Variants in ARHGEF37 observed in about 807,000 individuals in gnomAD.
ARHGEF37 encodes Rho guanine nucleotide exchange factor 37, also known as Rho guanine nucleotide exchange factor (GEF) 37.
Under a neutral mutation model 71.1 loss-of-function variants are expected in ARHGEF37, and 55 were observed. The ratio of observed to expected loss-of-function variants is 0.77; its 90% CI spans 0.62 to 0.97. The LOEUF is 0.97. Among genes scored for constraint, ARHGEF37 ranks in the 50% least tolerant of loss-of-function variants. The pLI is 0.00. For missense variants in ARHGEF37, 765 were observed against 836.8 expected, an observed-to-expected ratio of 0.91 and a Z score of 1.06; for synonymous variants, 327 against 350.6, an observed-to-expected ratio of 0.93 and a Z score of 0.75.
chr5:149,608,213 A>G (rs539886864), intron 3 of ARHGEF37, among the ~76,000 whole-genome samples: 1 of 152,308 alleles, frequency 6.6e-6, no homozygotes, highest in Admixed American at 6.5e-5. Context: ...ATCTGGATGT[A>G]TACGTGCAGG....
intron 1 of ARHGEF37, among the ~76,000 whole-genome samples, chr5:149,592,855 C>A (rs939875167): frequency 6.6e-6 from 1 of 152,154 alleles, no homozygotes; most frequent in Admixed American, 6.6e-5. Context: ...TCACAACCTC[C>A]GTCTCCTGGG....
At chr5:149,596,102 C>T (rs2400885) in intron 1 of ARHGEF37, among the ~76,000 whole-genome samples, 44,118 of 151,946 alleles carry the variant, frequency 0.29, 6,805 homozygotes, top group Admixed American at 0.43. Flanking sequence ...TTACCCACCC[C>T]TCTACTTTGG....
At chr5:149,558,976 G>A (rs949777287) in intron 1 of ARHGEF37, among the ~76,000 whole-genome samples, 3 of 152,018 alleles carry the variant, frequency 2.0e-5, no homozygotes, top group African/African-American at 7.2e-5. Context: ...GCAACAGAGC[G>A]AGACCTTGTC....
chr5:149,570,572 G>A (rs1427242417), intron 1 of ARHGEF37, among the ~76,000 whole-genome samples: 7 of 123,448 alleles, frequency 5.7e-5, no homozygotes, highest in Admixed American at 3.6e-4. Flanking sequence ...GCGAAACTCC[G>A]CCTCAAAAAA....
At chr5:149,607,899 TGG>T (rs1166845895) in intron 3 of ARHGEF37, among the ~76,000 whole-genome samples, 1 of 151,700 alleles carries the variant, frequency 6.6e-6, no homozygotes, top group African/African-American at 2.4e-5. Flanking sequence ...CCCGAGTAGC[TGG>T]GACTACAGGT....
chr5:149,563,733 T>G (rs543841322), intron 1 of ARHGEF37, among the ~76,000 whole-genome samples: 1 of 152,302 alleles, frequency 6.6e-6, no homozygotes, highest in East Asian at 1.9e-4. Flanking sequence ...GTGTAACAAC[T>G]ATGACACGAC....
rs747608319 is a variant in ARHGEF37 at position 149,621,859 on chromosome 5, C to G, written c.1132C>G (p.Leu378Val). The G allele has an allele frequency of 1.1e-5, 17 of 1,614,238 alleles. 1 individual carries two copies. The South Asian group carries it at 1.8e-4, about 17-fold the overall frequency. The change falls in exon 9 of 13, where the codon CTG becomes GTG. Residue 378 changes from leucine to valine, a missense_variant. Physicochemically the swap from Leu to Val is conservative, Grantham distance 32. Coordinates refer to ENST00000333677, the MANE Select transcript of ARHGEF37 (RefSeq NM_001001669.3). ...GGACTTTGAGCGGGTGGAAGAGAAG[C>G]TGCTGGAGGTGGGCAGTGTGACCTA... ...LLDFERVEEK[L>V]LEVGSVTYQE... is the part of the protein sequence containing the mutation.
At chr5:149,552,355 T>G (rs1235543590) in intron 1 of ARHGEF37, among the ~76,000 whole-genome samples, 2 of 152,160 alleles carry the variant, frequency 1.3e-5, no homozygotes, top group Non-Finnish European at 2.9e-5. Flanking sequence ...ATTTTTTTCT[T>G]TTTTACAAAA....
intron 1 of ARHGEF37, among the ~76,000 whole-genome samples, chr5:149,576,142 T>C (rs181302719): frequency 4.7e-4 from 72 of 152,302 alleles, no homozygotes; most frequent in Non-Finnish European, 7.6e-4. Flanking sequence ...CTGCTCTGGA[T>C]GCCTAGGCAT....
At chr5:149,553,125 T>C (rs1282456025) in intron 1 of ARHGEF37, among the ~76,000 whole-genome samples, 1 of 151,694 alleles carries the variant, frequency 6.6e-6, no homozygotes, top group East Asian at 2.0e-4. Context: ...CAGCCGGGCA[T>C]GGTGGGCTCA....
rs1752607142 is a variant in ARHGEF37, at chr5:149,623,924, G to T, written c.1336-88G>T. The T allele has an allele frequency of 6.1e-6, 9 of 1,485,666 alleles. No homozygotes were observed. In the South Asian group the frequency reaches 1.2e-4, roughly 20 times the overall value. 92.0% of individuals were successfully genotyped at this position (1,485,666 alleles called of 1,614,324 possible). ...ACAGAGTATCACTCAGAACTCCTTG[G>T]GTTGAAAATAATATAAACCCAAAGC... is the stretch of plus-strand genomic sequence containing the variant. On this transcript the variant is annotated intron_variant, in intron 9 of 12. Transcript: ENST00000333677.
chr5:149,610,498 T>G (rs1467977018), intron 4 of ARHGEF37, among the ~76,000 whole-genome samples: 1 of 152,168 alleles, frequency 6.6e-6, no homozygotes, highest in East Asian at 1.9e-4. Context: ...GTAAAAAATA[T>G]CTGGCTGGCT....
At chr5:149,575,863 G>A (rs1763021914) in intron 1 of ARHGEF37, among the ~76,000 whole-genome samples, 1 of 151,790 alleles carries the variant, frequency 6.6e-6, no homozygotes, top group South Asian at 2.1e-4. Context: ...TGGGCAACAA[G>A]GTGAACCCCC....
At chr5:149,565,373 A>G (rs1762885813) in intron 1 of ARHGEF37, among the ~76,000 whole-genome samples, 1 of 152,186 alleles carries the variant, frequency 6.6e-6, no homozygotes, top group South Asian at 2.1e-4. Flanking sequence ...CTGGGTAATA[A>G]GTATTTAGTA....
chr5:149,609,141 G>A (rs1269122600), intron 3 of ARHGEF37, among the ~76,000 whole-genome samples: 4 of 152,012 alleles, frequency 2.6e-5, no homozygotes, highest in Non-Finnish European at 5.9e-5. Flanking sequence ...TAGAGATTGC[G>A]CCACCACACT....
At chr5:149,615,988 G>T (rs1405263102) in intron 4 of ARHGEF37, among the ~76,000 whole-genome samples, 2 of 152,232 alleles carry the variant, frequency 1.3e-5, no homozygotes, top group Non-Finnish European at 2.9e-5. Context: ...ACAGAGTTGA[G>T]CTGCGCTCGG....
chr5:149,588,227 T>TTTGCTTGC (rs1554120969), intron 1 of ARHGEF37, among the ~76,000 whole-genome samples: 2 of 151,378 alleles, frequency 1.3e-5, no homozygotes, highest in African/African-American at 4.9e-5. Flanking sequence ...TGTTTGTTTG[T>TTTGCTTGC]TTGCTTTGAG....
In ARHGEF37 at chr5:149,621,780, C is replaced by T; in HGVS notation, c.1053C>T (p.Ala351=). ...GLVWQPLCSL[A]KALLGPQNLI... ...TGTGGCAGCCACTGTGCAGCCTGGC[C>T]AAAGCCCTGCTTGGCCCTCAGAACC... The change falls in exon 9 of 13, where the codon GCC becomes GCT. Residue 351 remains alanine, a synonymous_variant. Coordinates refer to ENST00000333677, the MANE Select transcript of ARHGEF37 (RefSeq NM_001001669.3). 2 of 1,614,174 alleles carry T rather than the reference C, an allele frequency of 1.2e-6. No homozygotes were observed. The highest frequency in any genetic ancestry group is 1.7e-6 in the Non-Finnish European group (2 of 1,180,030).
intron 3 of ARHGEF37, among the ~76,000 whole-genome samples, chr5:149,605,843 G>A (rs1381005997): frequency 1.3e-5 from 2 of 152,168 alleles, no homozygotes; most frequent in Admixed American, 6.5e-5. Context: ...GTTAGTATTT[G>A]AACCCAGCTC....
Sources: allele counts gnomAD v4.1 joint callset (sites outside exome capture counted in the v4.1 genomes callset), GRCh38; gene constraint gnomAD v4.1.1; transcripts MANE v1.5; gene names NCBI Gene and HGNC (gene_info 2026-07-23, HGNC 2026-07-21).